GUCY1A2: variants seen among roughly 807,000 people sequenced by gnomAD.
GUCY1A2 encodes the protein guanylate cyclase 1 soluble subunit alpha 2.
A neutral mutation model predicts 63.5 loss-of-function variants in GUCY1A2; 27 were observed. That is an observed-to-expected ratio of 0.43 (90% CI 0.31 to 0.59). GUCY1A2 has a LOEUF of 0.59. GUCY1A2 is among the 20% of genes least tolerant of loss of function. GUCY1A2 has a pLI of 0.11. For missense variants in GUCY1A2, 768 were observed against 913.3 expected, an observed-to-expected ratio of 0.84 and a Z score of 2.05; for synonymous variants, 364 against 343.5, an observed-to-expected ratio of 1.06 and a Z score of -0.66.
Position 106,686,960 on chromosome 11 carries a change from G to C in GUCY1A2, c.*589C>G, listed in dbSNP as rs1455472005. Reference sequence around the variant, plus strand: ...ATAATATACTAACAATACAGAAGCAGATTCTGAAAATCTAATAATGTTGTG... The same window carrying C: ...ATAATATACTAACAATACAGAAGCACATTCTGAAAATCTAATAATGTTGTG... On this transcript the variant is annotated 3_prime_UTR_variant, in exon 8 of 8. Transcript: ENST00000526355. 5.0e-6 allele frequency: 1 copy of C among 201,774 alleles called. No homozygotes were observed. Among genetic ancestry groups the C allele is most frequent in the African/African-American group, 2.3e-5 (1 of 43,626 alleles). 12.5% of individuals were successfully genotyped at this position (201,774 alleles called of 1,614,324 possible).
At chr11:106,721,861 G>A (rs540354282) in intron 6 of GUCY1A2, among the ~76,000 whole-genome samples, 1 of 152,290 alleles carries the variant, frequency 6.6e-6, no homozygotes, top group African/African-American at 2.4e-5. Context: ...CAGCCCCACT[G>A]AAGTTATGAG....
chr11:106,929,182 T>C (rs530025398), intron 4 of GUCY1A2, among the ~76,000 whole-genome samples: 12 of 152,328 alleles, frequency 7.9e-5, no homozygotes, highest in African/African-American at 2.6e-4. Flanking sequence ...TTCAATTTCA[T>C]GGAGGCTGAA....
At chr11:106,896,868 T>C (rs949725117) in intron 4 of GUCY1A2, among the ~76,000 whole-genome samples, 1 of 152,080 alleles carries the variant, frequency 6.6e-6, no homozygotes, top group Non-Finnish European at 1.5e-5. Context: ...ACAAATGAAC[T>C]AGGACAAAAA....
chr11:106,842,305 G>T (rs932746391), intron 4 of GUCY1A2, among the ~76,000 whole-genome samples: 2 of 151,808 alleles, frequency 1.3e-5, no homozygotes, highest in Non-Finnish European at 2.9e-5. Context: ...CCTTAAGATT[G>T]CCCACAACTT....
At chr11:106,851,413 T>C (rs938244140) in intron 4 of GUCY1A2, among the ~76,000 whole-genome samples, 3 of 151,920 alleles carry the variant, frequency 2.0e-5, no homozygotes, top group Non-Finnish European at 4.4e-5. Context: ...GTCTTACCCA[T>C]AAAATATTTG....
chr11:106,843,911 A>G (rs1219354787), intron 4 of GUCY1A2, among the ~76,000 whole-genome samples: 1 of 151,876 alleles, frequency 6.6e-6, no homozygotes, highest in Non-Finnish European at 1.5e-5. Context: ...TCTCACCACC[A>G]TAGGATCCAT....
chr11:106,819,907 T>C (rs369858433), intron 4 of GUCY1A2, among the ~76,000 whole-genome samples: 1 of 152,170 alleles, frequency 6.6e-6, no homozygotes, highest in East Asian at 1.9e-4. Context: ...AAATACTGCA[T>C]GGCCTCACCT....
At chr11:106,749,166 G>A (rs6588923) in intron 6 of GUCY1A2, among the ~76,000 whole-genome samples, 28,331 of 151,936 alleles carry the variant, frequency 0.19, 3,794 homozygotes, top group African/African-American at 0.38. Context: ...GCTGTATCAG[G>A]TAGCCTAAAT....
intron 4 of GUCY1A2, among the ~76,000 whole-genome samples, chr11:106,908,189 A>G (rs1860239444): frequency 6.6e-6 from 1 of 152,010 alleles, no homozygotes; most frequent in Admixed American, 6.6e-5. Flanking sequence ...AGAGAAAGGA[A>G]ACGTAGATAT....
At chr11:106,931,619 C>T (rs1051547182) in intron 4 of GUCY1A2, among the ~76,000 whole-genome samples, 44 of 152,130 alleles carry the variant, frequency 2.9e-4, no homozygotes, top group Non-Finnish European at 5.7e-4. Context: ...ATAAACAAAC[C>T]GTGTGGTATC....
At chr11:106,877,550 G>A (rs1467561212) in intron 4 of GUCY1A2, among the ~76,000 whole-genome samples, 1 of 151,860 alleles carries the variant, frequency 6.6e-6, no homozygotes. Flanking sequence ...TCAACAGCTG[G>A]TACTGGGATA....
At chr11:106,943,049 T>G (rs1206476547) in intron 3 of GUCY1A2, among the ~76,000 whole-genome samples, 1 of 152,186 alleles carries the variant, frequency 6.6e-6, no homozygotes, top group African/African-American at 2.4e-5. Context: ...TTCCCAGAAC[T>G]GTTAAACTGC....
In GUCY1A2 at chr11:106,676,586, A is replaced by G. The variant is rs1862350552; in HGVS notation, c.*10963T>C. Reference sequence around the variant, plus strand: ...TTTCCAAACCCTCAATAAGAACTCAAAACATCATACTATGCCAAGCTGAAT... The same window carrying G: ...TTTCCAAACCCTCAATAAGAACTCAGAACATCATACTATGCCAAGCTGAAT... On this transcript the variant is annotated 3_prime_UTR_variant, in exon 8 of 8. Coordinates refer to ENST00000526355, the MANE Select transcript of GUCY1A2 (RefSeq NM_000855.3). 5.3e-6 allele frequency: 1 copy of G among 187,252 alleles called. No homozygotes were observed. The allele number at this position is 187,252 out of a possible 1,614,324, so 11.6% of individuals were successfully genotyped here.
At chr11:106,749,664 TC>T (rs1863850405) in intron 6 of GUCY1A2, among the ~76,000 whole-genome samples, 1 of 152,122 alleles carries the variant, frequency 6.6e-6, no homozygotes, top group African/African-American at 2.4e-5. Context: ...AGAGGTATTC[TC>T]TATGCCTCTT....
Position 106,986,068 on chromosome 11 carries a change from A to T in GUCY1A2, c.365+2T>A. 1 of 1,392,204 alleles carries T rather than the reference A, an allele frequency of 7.2e-7. No homozygotes were observed. Among genetic ancestry groups the T allele is most frequent in the Non-Finnish European group, 1.0e-6 (1 of 977,890 alleles). The allele number at this position is 1,392,204 out of a possible 1,614,324, so 86.2% of individuals were successfully genotyped here. ...TAATAACCGAAATCAATTTTTACTT[A>T]CCCAATAACTTGATGTTCATAATAC... is the stretch of plus-strand genomic sequence containing the variant. On this transcript the variant is annotated splice_donor_variant, in intron 2 of 7. Transcript: ENST00000526355. LOFTEE classifies it high-confidence loss of function.
chr11:106,792,970 A>G (rs1046081470), intron 5 of GUCY1A2, among the ~76,000 whole-genome samples: 2 of 152,224 alleles, frequency 1.3e-5, no homozygotes, highest in African/African-American at 2.4e-5. Flanking sequence ...TACAGATTCA[A>G]TGCAATCTCT....
intron 4 of GUCY1A2, among the ~76,000 whole-genome samples, chr11:106,881,737 C>T (rs984167527): frequency 6.6e-6 from 1 of 151,876 alleles, no homozygotes; most frequent in Non-Finnish European, 1.5e-5. Flanking sequence ...CAGTAAATGC[C>T]AATTGCAACC....
At chr11:106,785,877 T>TTTTA (rs1864546963) in intron 5 of GUCY1A2, among the ~76,000 whole-genome samples, 1 of 1,090 alleles carries the variant, frequency 9.2e-4, no homozygotes, top group South Asian at 5.6e-3. Context: ...GATATCCACC[T>TTTTA]TTTTTTTTTT....
chr11:107,009,457 C>T (rs981815164), intron 1 of GUCY1A2, among the ~76,000 whole-genome samples: 1 of 152,184 alleles, frequency 6.6e-6, no homozygotes, highest in Admixed American at 6.5e-5. Flanking sequence ...CACAACCACC[C>T]TTCTTTTTTT....
Sources: gnomAD v4.1 joint callset for allele counts (sites outside exome capture counted in the v4.1 genomes callset) on GRCh38, gnomAD v4.1.1 for gene constraint, MANE v1.5 for transcripts, NCBI Gene and HGNC (gene_info 2026-07-23, HGNC 2026-07-21) for gene names.